The following SLIT3 variants were observed in gnomAD, a reference collection of about 807,000 sequenced individuals.
SLIT3 encodes slit homolog 3 protein.
A neutral mutation model predicts 184.0 loss-of-function variants in SLIT3; 68 were observed. The observed-to-expected ratio is 0.37, with a 90% CI of 0.30 to 0.45. The LOEUF (loss-of-function observed/expected upper bound fraction) is 0.45. SLIT3 is among the 20% of genes least tolerant of loss of function. The pLI is 1.00. For missense variants in SLIT3, 1,707 were observed against 2,026.0 expected (o/e 0.84, Z 3.02); for synonymous variants, 831 against 828.6 (o/e 1.00, Z -0.05).
intron 4 of SLIT3, among the ~76,000 whole-genome samples, chr5:169,150,516 T>C (rs905710022): frequency 1.4e-4 from 20 of 145,440 alleles, no homozygotes; most frequent in African/African-American, 3.6e-4. Flanking sequence ...TTCACTCACA[T>C]ACACACACAC....
intron 4 of SLIT3, among the ~76,000 whole-genome samples, chr5:169,189,011 A>C (rs1010357537): frequency 6.6e-6 from 1 of 152,130 alleles, no homozygotes; most frequent in East Asian, 1.9e-4. Flanking sequence ...GCAGGGGACA[A>C]ATATTTATTG....
chr5:169,105,268 A>G (rs2113241198), intron 4 of SLIT3, among the ~76,000 whole-genome samples: 1 of 152,306 alleles, frequency 6.6e-6, no homozygotes. Flanking sequence ...TCATTTGGTT[A>G]AACCGCACAT....
chr5:169,245,740 C>A (rs1258380127), intron 2 of SLIT3, among the ~76,000 whole-genome samples: 1 of 152,152 alleles, frequency 6.6e-6, no homozygotes, highest in Non-Finnish European at 1.5e-5. Flanking sequence ...GAAGAGCAAC[C>A]CTGGGAAGGC....
intron 4 of SLIT3, among the ~76,000 whole-genome samples, chr5:169,192,957 C>A (rs536122757): frequency 6.6e-6 from 1 of 152,290 alleles, no homozygotes; most frequent in African/African-American, 2.4e-5. Flanking sequence ...GAGAATAAAG[C>A]AAAATTCAAC....
intron 1 of SLIT3, among the ~76,000 whole-genome samples, chr5:169,259,914 A>G (rs1415642419): frequency 6.6e-6 from 1 of 152,190 alleles, no homozygotes; most frequent in Non-Finnish European, 1.5e-5. Context: ...AAGAATTTGC[A>G]AAATGAAACG....
At chr5:169,060,156 A>G (rs1172645664) in intron 4 of SLIT3, among the ~76,000 whole-genome samples, 1 of 152,214 alleles carries the variant, frequency 6.6e-6, no homozygotes, top group Non-Finnish European at 1.5e-5. Context: ...TTGGGAGGCC[A>G]AGGCCGGTGA....
At chr5:169,286,093 T>C (rs1420255909) in intron 1 of SLIT3, among the ~76,000 whole-genome samples, 1 of 152,154 alleles carries the variant, frequency 6.6e-6, no homozygotes, top group Non-Finnish European at 1.5e-5. Flanking sequence ...CCTCATTTGA[T>C]CTTCCTAGTA....
Position 169,239,666 on chromosome 5 carries a change from T to G in SLIT3, c.341+5039A>C, listed in dbSNP as rs77667035. Among the ~76,000 whole-genome samples the G allele has an allele frequency of 7.3e-3, 1,117 of 152,150 alleles. 9 individuals carry two copies. The highest frequency in any genetic ancestry group is 0.023 in the African/African-American group (949 of 41,574). ...TTCATGTTGGTAATTTAGTCTTTTG[T>G]GTTTTGATATGTCTTGTCAGTGTCT... On this transcript the variant is annotated intron_variant, in intron 3 of 35. Transcript: ENST00000519560.
intron 23 of SLIT3, among the ~76,000 whole-genome samples, chr5:168,715,106 G>GTA (rs1762677615): frequency 6.6e-6 from 1 of 152,148 alleles, no homozygotes; most frequent in African/African-American, 2.4e-5. Flanking sequence ...GGTGATCTGG[G>GTA]GGTTAAGAAC....
intron 3 of SLIT3, among the ~76,000 whole-genome samples, chr5:169,223,102 T>C (rs1764672110): frequency 6.6e-6 from 1 of 152,164 alleles, no homozygotes; most frequent in Non-Finnish European, 1.5e-5. Context: ...TTTCCTGTGC[T>C]TTTCCCACAG....
At chr5:169,186,794 C>T (rs1763353852) in intron 4 of SLIT3, among the ~76,000 whole-genome samples, 1 of 152,142 alleles carries the variant, frequency 6.6e-6, no homozygotes, top group African/African-American at 2.4e-5. Context: ...GAGGACTCAG[C>T]CCTGGGAAGC....
At chr5:169,184,612 A>G (rs991790088) in intron 4 of SLIT3, among the ~76,000 whole-genome samples, 1 of 152,222 alleles carries the variant, frequency 6.6e-6, no homozygotes, top group Non-Finnish European at 1.5e-5. Context: ...GCCTATTTAC[A>G]AAGTCAAATC....
intron 4 of SLIT3, among the ~76,000 whole-genome samples, chr5:169,048,936 T>C (rs752231540): frequency 5.3e-5 from 8 of 152,284 alleles, no homozygotes. Context: ...GCCAGAGCTT[T>C]GGGAGAGGCC....
chr5:168,712,492 C>T (rs952335664), intron 23 of SLIT3, 138 bp from the exon 24 acceptor site: 1 of 711,616 alleles, frequency 1.4e-6, no homozygotes, highest in African/African-American at 1.7e-5. Flanking sequence ...GCTGCTGCCC[C>T]CTTTGCTCTG....
chr5:169,028,394 T>C (rs980656439), intron 4 of SLIT3, among the ~76,000 whole-genome samples: 12 of 152,152 alleles, frequency 7.9e-5, no homozygotes, highest in African/African-American at 1.2e-4. Flanking sequence ...ACAAATCCCA[T>C]TGTGCGCTTA....
rs1761040896 is a variant in SLIT3 at position 168,666,338 on chromosome 5, C to CT, written c.*115dup. 7.1e-6 allele frequency: 7 copies of CT among 991,368 alleles called. No individual in the cohort carries two copies. The highest frequency in any genetic ancestry group is 9.8e-6 in the Non-Finnish European group (7 of 714,232). The allele number at this position is 991,368 out of a possible 1,614,324, so 61.4% of individuals were successfully genotyped here. A position where few individuals can be genotyped will look rare whatever the true frequency, so the allele number is the denominator to read the frequency against. ...ACAATATACTTAATATTCTCTTCTT[C>CT]TTTACCTTCCTCTCCAGCTTCATTT... is the stretch of plus-strand genomic sequence containing the variant. On this transcript the variant is annotated 3_prime_UTR_variant, in exon 36 of 36. Transcript: ENST00000519560.
At chr5:169,221,899 T>C (rs567678610) in intron 3 of SLIT3, among the ~76,000 whole-genome samples, 18 of 152,320 alleles carry the variant, frequency 1.2e-4, no homozygotes, top group Non-Finnish European at 2.4e-4. Context: ...GGGAAATACA[T>C]AGGATGTACA....
intron 1 of SLIT3, among the ~76,000 whole-genome samples, chr5:169,272,535 G>A (rs1766663334): frequency 6.6e-6 from 1 of 152,194 alleles, no homozygotes; most frequent in African/African-American, 2.4e-5. Flanking sequence ...CCTCACTCTG[G>A]TGCCCAGCAC....
chr5:168,987,454 C>A (rs905080712), intron 4 of SLIT3, among the ~76,000 whole-genome samples: 6 of 152,238 alleles, frequency 3.9e-5, no homozygotes, highest in African/African-American at 1.4e-4. Context: ...TAGCTCTTTG[C>A]TGTGTCACCT....
Sources: allele counts gnomAD v4.1 joint callset (sites outside exome capture counted in the v4.1 genomes callset), GRCh38; gene constraint gnomAD v4.1.1; transcripts MANE v1.5; gene names NCBI Gene and HGNC (gene_info 2026-07-23, HGNC 2026-07-21).